RASAL2: variants seen among roughly 807,000 people sequenced by gnomAD.
RASAL2 encodes the protein ras GTPase-activating protein nGAP.
RASAL2 carries 58 observed loss-of-function variants against 128.9 expected under a neutral mutation model. The ratio of observed to expected loss-of-function variants is 0.45; its 90% CI spans 0.36 to 0.56. RASAL2 has a LOEUF of 0.56. Among genes scored for constraint, RASAL2 ranks in the 20% least tolerant of loss-of-function variants. RASAL2 has a pLI of 0.00. For missense variants in RASAL2, 1,360 were observed against 1,601.6 expected (o/e 0.85, Z 2.57); for synonymous variants, 561 against 580.8 (o/e 0.97, Z 0.49).
At chr1:178,423,591 T>TCGTAAGTTGCCTGAGGTTATA (rs1211221969) in intron 5 of RASAL2, among the ~76,000 whole-genome samples, 1 of 152,094 alleles carries the variant, frequency 6.6e-6, no homozygotes, top group Non-Finnish European at 1.5e-5. Flanking sequence ...GCAGAGAAAT[T>TCGTAAGTTGCCTGAGGTTATA]CGTAAGTTGC....
chr1:178,443,007 T>C lies in RASAL2; in HGVS notation c.1260T>C (p.Pro420=). ...FVEKWYPVST[P]TPNKGKTGGP... is the part of the protein sequence containing the mutation. The stretch of plus-strand genomic sequence containing the variant: ...AAAAGTGGTATCCAGTGAGTACACC[T>C]ACACCCAACAAAGGAAAGACAGGAG... The change falls in exon 8 of 18, where the codon CCT becomes CCC. Residue 420 remains proline, a synonymous_variant. Transcript: ENST00000367649. The C allele has an allele frequency of 6.2e-7, 1 of 1,614,072 alleles. No homozygotes were observed. Among genetic ancestry groups the C allele is most frequent in the Admixed American group, 1.7e-5 (1 of 59,970 alleles).
At chr1:178,140,226 A>G (rs1660476163) in intron 1 of RASAL2, among the ~76,000 whole-genome samples, 1 of 152,118 alleles carries the variant, frequency 6.6e-6, no homozygotes, top group South Asian at 2.1e-4. Context: ...TTACAGAAAA[A>G]TTGTGCAGAA....
At chr1:178,136,905 G>GAA (rs1353355531) in intron 1 of RASAL2, among the ~76,000 whole-genome samples, 1 of 151,444 alleles carries the variant, frequency 6.6e-6, no homozygotes, top group Non-Finnish European at 1.5e-5. Flanking sequence ...AGCTTTAGAA[G>GAA]AAGAAAAGCT....
In RASAL2 at chr1:178,112,636, G is replaced by A. The variant is rs551654980; in HGVS notation, c.202+17942G>A. Among the ~76,000 whole-genome samples the A allele has an allele frequency of 4.2e-3, 635 of 151,654 alleles. 3 individuals are homozygous for A. Among genetic ancestry groups the A allele is most frequent in the African/African-American group, 0.014 (578 of 41,340 alleles). On this transcript the variant is annotated intron_variant, in intron 1 of 17. Coordinates refer to ENST00000367649, the MANE Select transcript of RASAL2 (RefSeq NM_170692.4). ...ATGAAATTGGAAATCATCATTCTCAGTAAACTATCGCAAGAACAAAAAACC... is the reference window on the plus strand; with the variant it reads ...ATGAAATTGGAAATCATCATTCTCAATAAACTATCGCAAGAACAAAAAACC...
intron 1 of RASAL2, among the ~76,000 whole-genome samples, chr1:178,143,723 A>T (rs1558078192): frequency 2.0e-5 from 3 of 151,164 alleles, no homozygotes; most frequent in African/African-American, 7.3e-5. Context: ...GGGTGGTTAA[A>T]GGATAATTTT....
chr1:178,395,928 T>C (rs1184903312), intron 4 of RASAL2, among the ~76,000 whole-genome samples: 3 of 151,612 alleles, frequency 2.0e-5, no homozygotes, highest in Admixed American at 1.3e-4. Context: ...ATTAACTATA[T>C]CTTTAAGTCA....
Position 178,094,344 on chromosome 1 carries a change from A to C in RASAL2, c.-149A>C. 3.0e-6 allele frequency: 2 copies of C among 676,482 alleles called. No individual in the cohort carries two copies. Among genetic ancestry groups the C allele is most frequent in the Non-Finnish European group, 4.7e-6 (2 of 428,384 alleles). The allele number at this position is 676,482 out of a possible 1,614,324, so 41.9% of individuals were successfully genotyped here. On this transcript the variant is annotated 5_prime_UTR_variant, in exon 1 of 18. Coordinates refer to ENST00000367649, the MANE Select transcript of RASAL2 (RefSeq NM_170692.4). ...AGCCTCGGGCAGTGGGCGACGGGGA[A>C]GGAGGTGAGAGGTGTCCGCGCCGGC...
At chr1:178,149,430 A>AT (rs898808317) in intron 1 of RASAL2, among the ~76,000 whole-genome samples, 1 of 151,828 alleles carries the variant, frequency 6.6e-6, no homozygotes, top group Non-Finnish European at 1.5e-5. Context: ...GATTTAATTC[A>AT]TTTTTTTCTT....
At chr1:178,155,569 C>G (rs1258041920) in intron 1 of RASAL2, among the ~76,000 whole-genome samples, 1 of 151,010 alleles carries the variant, frequency 6.6e-6, no homozygotes, top group Non-Finnish European at 1.5e-5. Flanking sequence ...CTTTTTTAGT[C>G]AGTTCTGAAG....
intron 3 of RASAL2, among the ~76,000 whole-genome samples, chr1:178,370,129 A>G (rs948307652): frequency 2.6e-5 from 4 of 152,248 alleles, no homozygotes; most frequent in African/African-American, 7.2e-5. Flanking sequence ...GTTGAACAAA[A>G]CAAAACAGTT....
intron 1 of RASAL2, among the ~76,000 whole-genome samples, chr1:178,219,388 C>G (rs1377907312): frequency 6.6e-6 from 1 of 152,016 alleles, no homozygotes; most frequent in Admixed American, 6.5e-5. Context: ...TGGCTCACAC[C>G]TGTAATCCCA....
intron 3 of RASAL2, among the ~76,000 whole-genome samples, chr1:178,364,966 A>G (rs907786673): frequency 1.3e-5 from 2 of 152,068 alleles, no homozygotes; most frequent in Non-Finnish European, 2.9e-5. Context: ...CTTTAATTCT[A>G]GATAATCATT....
At position 178,475,979 on chromosome 1, in the gene RASAL2, TAAG is replaced by T. The variant is rs1648643667; in HGVS notation, c.*2745_*2747del. Reference sequence around the variant, plus strand: ...GTATAAGTTACTCTGAAGGATTTTTTAAGAAGAGAAGCCACCAACAGGTGATAA... The same window carrying T: ...GTATAAGTTACTCTGAAGGATTTTTTAAGAGAAGCCACCAACAGGTGATAA... On this transcript the variant is annotated 3_prime_UTR_variant, in exon 18 of 18. Coordinates refer to ENST00000367649, the MANE Select transcript of RASAL2 (RefSeq NM_170692.4). 6.6e-6 allele frequency: 1 copy of T among 152,226 alleles called. No individual in the cohort carries two copies. The highest frequency in any genetic ancestry group is 2.1e-4 in the South Asian group (1 of 4,834). The allele number at this position is 152,226 out of a possible 1,614,324, so 9.4% of individuals were successfully genotyped here.
At position 178,475,741 on chromosome 1, in the gene RASAL2, A is replaced by G. The variant is rs529004530; in HGVS notation, c.*2502A>G. On this transcript the variant is annotated 3_prime_UTR_variant, in exon 18 of 18. Coordinates refer to ENST00000367649, the MANE Select transcript of RASAL2 (RefSeq NM_170692.4). ...CTTAGAGGGCTGTCTTCACTGAAAG[A>G]TTTAATGCCCAAAACATTTGGACAG... is the stretch of plus-strand genomic sequence containing the variant. 1 of 152,356 alleles carries G rather than the reference A, an allele frequency of 6.6e-6. No homozygotes were observed. The highest frequency in any genetic ancestry group is 2.4e-5 in the African/African-American group (1 of 41,586). The allele number at this position is 152,356 out of a possible 1,614,324, so 9.4% of individuals were successfully genotyped here. A position where few individuals can be genotyped will look rare whatever the true frequency, so the allele number is the denominator to read the frequency against.
At chr1:178,122,154 A>G (rs1327946811) in intron 1 of RASAL2, among the ~76,000 whole-genome samples, 1 of 152,204 alleles carries the variant, frequency 6.6e-6, no homozygotes, top group Non-Finnish European at 1.5e-5. Context: ...GTTACTGCTG[A>G]AATAGTGACT....
intron 1 of RASAL2, among the ~76,000 whole-genome samples, chr1:178,237,630 TTTTG>T (rs1216463604): frequency 7.2e-5 from 11 of 152,214 alleles, no homozygotes; most frequent in Non-Finnish European, 1.5e-4. Flanking sequence ...CCTTATTTAT[TTTTG>T]TTTAACAGCT....
chr1:178,417,736 G>A (rs1674857711), intron 4 of RASAL2, among the ~76,000 whole-genome samples: 2 of 140,822 alleles, frequency 1.4e-5, no homozygotes, highest in Admixed American at 1.5e-4. Context: ...TCCAGCCTGG[G>A]CAACAAGAGT....
intron 3 of RASAL2, among the ~76,000 whole-genome samples, chr1:178,351,271 A>T (rs1557921866): frequency 2.6e-5 from 4 of 152,188 alleles, no homozygotes; most frequent in Non-Finnish European, 5.9e-5. Context: ...GCCCCTTCCA[A>T]ATCTCATGTT....
chr1:178,258,369 C>G (rs1157077743), intron 1 of RASAL2, among the ~76,000 whole-genome samples: 3 of 150,642 alleles, frequency 2.0e-5, no homozygotes, highest in Non-Finnish European at 4.4e-5. Flanking sequence ...AATTAATTAC[C>G]TAATTTGGGA....
Sources: gnomAD v4.1 joint callset for allele counts (sites outside exome capture counted in the v4.1 genomes callset) on GRCh38, gnomAD v4.1.1 for gene constraint, MANE v1.5 for transcripts, NCBI Gene and HGNC (gene_info 2026-07-23, HGNC 2026-07-21) for gene names.